Variants in ZNF335 observed in about 807,000 individuals in gnomAD.
The protein encoded by ZNF335 is zinc finger protein 335.
In ZNF335, 84 loss-of-function variants were observed where a neutral mutation model predicts 145.6. That is an observed-to-expected ratio of 0.58 (90% CI 0.48 to 0.69). ZNF335 has a LOEUF of 0.69. Ranked by LOEUF, ZNF335 falls within the 30% of genes least tolerant of loss-of-function variation. The pLI is 0.00. For synonymous variants in ZNF335, 761 were observed against 717.0 expected (o/e 1.06, Z -0.98); for missense variants, 1,865 against 1,809.7 (o/e 1.03, Z -0.55).
At chr20:45,951,517 G>A (rs2083631467) in intron 20 of ZNF335, among the ~76,000 whole-genome samples, 1 of 152,238 alleles carries the variant, frequency 6.6e-6, no homozygotes, top group Admixed American at 6.5e-5. Flanking sequence ...TGTGCAGGGT[G>A]ATAGTTTTGG....
Position 45,960,621 on chromosome 20 carries a change from C to G in ZNF335, c.1777G>C (p.Asp593His). ...CAGCCCTGGCTCCCACCCACCTTGT[C>G]ACACATGTGGGGCTTCTCAGTGCTG... ...THSTEKPHMC[D>H]KCGKSFKKRY... The change falls in exon 12 of 28, where the codon GAC (aspartate) becomes CAC (histidine). Residue 593 changes from aspartate to histidine, a missense_variant. Coordinates refer to ENST00000322927, the MANE Select transcript of ZNF335 (RefSeq NM_022095.4). 6.2e-7 allele frequency: 1 copy of G among 1,614,088 alleles called. No homozygotes were observed. The highest frequency in any genetic ancestry group is 8.5e-7 in the Non-Finnish European group (1 of 1,179,966).
In ZNF335 at chr20:45,950,458, C is replaced by A; in HGVS notation, c.3327G>T (p.Gly1109=). Residue 1109 remains glycine, a synonymous_variant, in exon 21 of 28, where the codon GGG becomes GGT. Transcript: ENST00000322927. ...KEKPFACHLC[G]QRFNRNGHLK... is the part of the protein sequence containing the mutation. ...CCACCAGTATCTGGCCTCACCGCTG[C>A]CCGCAGAGGTGGCATGCAAAAGGCT... 1 of 1,614,216 alleles carries A rather than the reference C, an allele frequency of 6.2e-7. No homozygotes were observed. The highest frequency in any genetic ancestry group is 8.5e-7 in the Non-Finnish European group (1 of 1,180,048).
Position 45,949,153 on chromosome 20 carries a change from A to G in ZNF335, c.3901+17T>C, listed in dbSNP as rs1005742897. ...GTCCATACCCAGCCCCATGCTCCTC[A>G]GGATCCAGCTCCATACCTGTGACAG... On this transcript the variant is annotated intron_variant, in intron 27 of 27. Transcript: ENST00000322927. 4 of 1,613,460 alleles carry G rather than the reference A, an allele frequency of 2.5e-6. No individual in the cohort carries two copies. In the African/African-American group the frequency reaches 4.0e-5, roughly 16 times the overall value.
chr20:45,954,175 G>GC (rs1417005154), intron 17 of ZNF335, among the ~76,000 whole-genome samples: 2 of 152,206 alleles, frequency 1.3e-5, no homozygotes, highest in East Asian at 3.8e-4. Context: ...GAGCAGTTGT[G>GC]CCCCCCACAA....
Position 45,957,325 on chromosome 20 carries a change from G to A in ZNF335, c.2442+261C>T, listed in dbSNP as rs75813523. On this transcript the variant is annotated intron_variant, in intron 17 of 27. Transcript: ENST00000322927. ...AAACAAGAACAGGGCCCCAGATGCCGCAGGGGCAGTGTGTACTGCTCCACC... is the reference window on the plus strand; with the variant it reads ...AAACAAGAACAGGGCCCCAGATGCCACAGGGGCAGTGTGTACTGCTCCACC... 4.7e-4 allele frequency among the ~76,000 whole-genome samples: 71 copies of A among 152,300 alleles called. No individual in the cohort carries two copies. The East Asian group carries it at 0.011, about 23-fold the overall frequency.
intron 10 of ZNF335, chr20:45,961,841 G>T (rs567032502): frequency 1.9e-5 from 9 of 474,258 alleles, no homozygotes; most frequent in Non-Finnish European, 3.4e-5. Flanking sequence ...AGAAACTAAA[G>T]CTCACAAGAG....
chr20:45,958,054 T>TA, intron 15 of ZNF335, 126 bp from the exon 16 acceptor site: 1 of 719,344 alleles, frequency 1.4e-6, no homozygotes, highest in Non-Finnish European at 2.3e-6. Context: ...TAACCACTTT[T>TA]CTTTTTTTTT....
Position 45,959,430 on chromosome 20 carries a change from G to A in ZNF335, c.2024C>T (p.Ala675Val). The A allele has an allele frequency of 6.9e-7, 1 of 1,441,872 alleles. No homozygotes were observed. Among genetic ancestry groups the A allele is most frequent in the Non-Finnish European group, 9.2e-7 (1 of 1,081,848 alleles). 89.3% of individuals were successfully genotyped at this position (1,441,872 alleles called of 1,614,324 possible). ...LSHVAVKHTG[A>V]KPFACEYCHF... The stretch of plus-strand genomic sequence containing the variant: ...GCAGTACTCACAGGCGAAGGGCTTG[G>A]CCCCTGGAGGCACATGTTGGGGCAT... The change falls in exon 15 of 28, where the codon GCC becomes GTC. Residue 675 changes from alanine (A) to valine (V), a missense_variant. Physicochemically the swap from Ala to Val is moderately conservative, Grantham distance 64. Coordinates refer to ENST00000322927, the MANE Select transcript of ZNF335 (RefSeq NM_022095.4).
rs1219808748 is a variant in ZNF335, at chr20:45,969,440, G to A, written c.442+11C>T. On this transcript the variant is annotated intron_variant, in intron 3 of 27. Coordinates refer to ENST00000322927, the MANE Select transcript of ZNF335 (RefSeq NM_022095.4). ...AGGAAAACCCCTGTGGGGCTCCTCT[G>A]CCTGACTCACTCTGGATGAGGTCGG... 1.3e-6 allele frequency: 2 copies of A among 1,512,148 alleles called. No individual in the cohort carries two copies. Among genetic ancestry groups the A allele is most frequent in the African/African-American group, 1.4e-5 (1 of 72,786 alleles). The allele number at this position is 1,512,148 out of a possible 1,614,324, so 93.7% of individuals were successfully genotyped here.
In ZNF335 at chr20:45,950,195, C is replaced by T. The variant is rs563610675; in HGVS notation, c.3487+24G>A. 1.9e-6 allele frequency: 3 copies of T among 1,555,620 alleles called. No individual in the cohort carries two copies. In the South Asian group the frequency reaches 3.7e-5, roughly 19 times the overall value. On this transcript the variant is annotated intron_variant, in intron 22 of 27. Transcript: ENST00000322927. The stretch of plus-strand genomic sequence containing the variant: ...TCTCTGGATCTACCCTGTTGCCCAC[C>T]CTGTGGCCCCAGGGGCAGCTCACTG...
chr20:45,949,266 CTGA>C lies in ZNF335; in HGVS notation c.3820-18_3820-16del, dbSNP rs1369919398. 1.9e-6 allele frequency: 3 copies of C among 1,613,796 alleles called. No homozygotes were observed. Among genetic ancestry groups the C allele is most frequent in the East Asian group, 4.5e-5 (2 of 44,898 alleles). ...ACATACTGGATCTGGAGGGGAGAAG[CTGA>C]TAAGATGCTGGCCTGGAGAAACCTG... On this transcript the variant is annotated splice_polypyrimidine_tract_variant and intron_variant, in intron 26 of 27. Coordinates refer to ENST00000322927, the MANE Select transcript of ZNF335 (RefSeq NM_022095.4).
rs116326494 is a variant in ZNF335 at position 45,960,042 on chromosome 20, T to A, written c.2020+166A>T. Among the ~76,000 whole-genome samples, 568 of 152,236 alleles carry A rather than the reference T, an allele frequency of 3.7e-3. 2 individuals are homozygous for A. The highest frequency in any genetic ancestry group is 0.013 in the African/African-American group (539 of 41,542). ...AGCCAAGCAGGAACCCAGGCTCAGG[T>A]TAGGGTGAATACGCCTATGGGAAAT... On this transcript the variant is annotated intron_variant, in intron 14 of 27. Coordinates refer to ENST00000322927, the MANE Select transcript of ZNF335 (RefSeq NM_022095.4).
At chr20:45,955,951 G>T (rs2083721414) in intron 17 of ZNF335, among the ~76,000 whole-genome samples, 1 of 152,210 alleles carries the variant, frequency 6.6e-6, no homozygotes, top group African/African-American at 2.4e-5. Context: ...GTGATCAAAT[G>T]ATACAGAGAT....
chr20:45,958,002 A>T, intron 15 of ZNF335, 74 bp from the exon 16 acceptor site: 1 of 1,193,544 alleles, frequency 8.4e-7, no homozygotes, highest in Non-Finnish European at 1.2e-6. Context: ...AGCACCTCTG[A>T]TCTGCCAGAT....
rs1009038275 is a variant in ZNF335 at position 45,949,217 on chromosome 20, A to G, written c.3854T>C (p.Leu1285Pro). The change falls in exon 27 of 28, where the codon CTT becomes CCT. Residue 1285 changes from leucine (L) to proline (P), a missense_variant. Leu to Pro is a moderately conservative substitution (Grantham distance 98). Transcript: ENST00000322927. ...AGCCTCAAGTTGAGCCTGTGTGACA[A>G]GCTGCTGGCCTGGGGACACAGGCAC... ...QYVPVSPGQQ[L>P]VTQAQLEAAA... 3 of 1,613,946 alleles carry G rather than the reference A, an allele frequency of 1.9e-6. No homozygotes were observed. Among genetic ancestry groups the G allele is most frequent in the Non-Finnish European group, 2.5e-6 (3 of 1,180,006 alleles).
intron 24 of ZNF335, 42 bp from the exon 25 acceptor site, chr20:45,949,610 G>GC: frequency 6.4e-7 from 1 of 1,562,242 alleles, no homozygotes; most frequent in Non-Finnish European, 8.7e-7. Flanking sequence ...AGGTGCTGAG[G>GC]CCCCACTCGC....
intron 6 of ZNF335, among the ~76,000 whole-genome samples, chr20:45,966,646 GT>G (rs1336064459): frequency 1.3e-5 from 2 of 151,504 alleles, no homozygotes; most frequent in Non-Finnish European, 2.9e-5. Context: ...TACCTCCCGG[GT>G]TCAAGCGAAT....
At chr20:45,964,134 G>T in intron 7 of ZNF335, 144 bp from the exon 8 acceptor site, 2 of 1,032,904 alleles carry the variant, frequency 1.9e-6, no homozygotes, top group Non-Finnish European at 2.7e-6. Context: ...GACACAGACA[G>T]CCTGTGGTTA....
rs2083987155 is a variant in ZNF335 at position 45,967,824 on chromosome 20, C to T, written c.724G>A (p.Val242Met). ...CACATCTTGCATTTGAACTGCTGCA[C>T]CACCACCACCTCCATCATGGCCTCC... is the stretch of plus-strand genomic sequence containing the variant. The part of the protein sequence containing the change: ...SLEAMMEVVV[V>M]QQFKCKMCQY... The change falls in exon 5 of 28, where the codon GTG becomes ATG. Residue 242 changes from valine to methionine, a missense_variant. Coordinates refer to ENST00000322927, the MANE Select transcript of ZNF335 (RefSeq NM_022095.4). 6.2e-7 allele frequency: 1 copy of T among 1,613,350 alleles called. No individual in the cohort carries two copies. Among genetic ancestry groups the T allele is most frequent in the African/African-American group, 1.3e-5 (1 of 74,930 alleles).
Sources: gnomAD v4.1 joint callset for allele counts (sites outside exome capture counted in the v4.1 genomes callset) on GRCh38, gnomAD v4.1.1 for gene constraint, MANE v1.5 for transcripts, NCBI Gene and HGNC (gene_info 2026-07-23, HGNC 2026-07-21) for gene names.